The following SCN11A variants were observed in gnomAD, a reference collection of about 807,000 sequenced individuals.
The protein encoded by SCN11A is sodium voltage-gated channel alpha subunit 11, also known as sodium channel protein type 11 subunit alpha.
SCN11A carries 122 observed loss-of-function variants against 162.2 expected under a neutral mutation model. The observed-to-expected ratio is 0.75, with a 90% CI of 0.65 to 0.87. The LOEUF is 0.87. Among genes scored for constraint, SCN11A ranks in the 40% least tolerant of loss-of-function variants. The pLI, the probability that SCN11A is intolerant of heterozygous loss-of-function variation, is 0.00. For missense variants in SCN11A, 2,015 were observed against 2,181.6 expected (o/e 0.92, Z 1.52); for synonymous variants, 758 against 751.5 (o/e 1.01, Z -0.14).
At position 38,921,260 on chromosome 3, in the gene SCN11A, G is replaced by A. The variant is rs746902134; in HGVS notation, c.713-5C>T. 2.5e-6 allele frequency: 4 copies of A among 1,613,356 alleles called. No individual in the cohort carries two copies. The highest frequency in any genetic ancestry group is 2.2e-5 in the East Asian group (1 of 44,874). On this transcript the variant is annotated splice_polypyrimidine_tract_variant and splice_region_variant and intron_variant, in intron 9 of 29. Coordinates refer to ENST00000302328, the MANE Select transcript of SCN11A (RefSeq NM_001349253.2). ...CCCCCACGATGACCTTCAGACCTGA[G>A]AAAGAGGACAGGCTTGGGGAGAAGC...
chr3:38,955,274 G>A (rs2066667930), intron 3 of SCN11A, among the ~76,000 whole-genome samples: 1 of 152,166 alleles, frequency 6.6e-6, no homozygotes, highest in Non-Finnish European at 1.5e-5. Context: ...GCCACAGAAT[G>A]AGACTCTGTC....
At chr3:39,039,393 G>A (rs1024937887) in intron 1 of SCN11A, among the ~76,000 whole-genome samples, 6 of 152,150 alleles carry the variant, frequency 3.9e-5, no homozygotes, top group African/African-American at 1.4e-4. Flanking sequence ...CTCTCCTGCA[G>A]ACTCCCTGGG....
At chr3:39,023,558 C>A (rs1243169617) in intron 2 of SCN11A, among the ~76,000 whole-genome samples, 1 of 151,762 alleles carries the variant, frequency 6.6e-6, no homozygotes, top group Non-Finnish European at 1.5e-5. Flanking sequence ...ATAATATATG[C>A]TTATGGCAAA....
intron 6 of SCN11A, 129 bp from the exon 7 acceptor site, chr3:38,945,641 G>C: frequency 7.1e-6 from 4 of 559,790 alleles, no homozygotes; most frequent in Non-Finnish European, 9.3e-6. Flanking sequence ...GTGAATGTTG[G>C]ATGAGAACAA....
intron 2 of SCN11A, among the ~76,000 whole-genome samples, chr3:39,029,337 A>T (rs1175940081): frequency 6.6e-6 from 1 of 152,226 alleles, no homozygotes; most frequent in Non-Finnish European, 1.5e-5. Context: ...ATGAAGTTAA[A>T]TATATTTTTA....
At chr3:39,028,675 C>T (rs1468006217) in intron 2 of SCN11A, among the ~76,000 whole-genome samples, 1 of 152,138 alleles carries the variant, frequency 6.6e-6, no homozygotes, top group Non-Finnish European at 1.5e-5. Context: ...CTTTGTACTG[C>T]ATCATAACTT....
chr3:38,954,634 AC>A (rs1028494789), intron 3 of SCN11A, among the ~76,000 whole-genome samples: 71 of 146,566 alleles, frequency 4.8e-4, no homozygotes, highest in African/African-American at 1.7e-3. Flanking sequence ...TGATAAAAAA[AC>A]AAACAAACAA....
chr3:38,950,455 G>C, intron 4 of SCN11A, 86 bp from the exon 5 acceptor site: 1 of 1,385,308 alleles, frequency 7.2e-7, no homozygotes, highest in African/African-American at 1.4e-5. Context: ...CAGTCTTAAA[G>C]GATGGTGTCA....
At chr3:38,942,249 C>T (rs1049114695) in intron 7 of SCN11A, among the ~76,000 whole-genome samples, 7 of 152,070 alleles carry the variant, frequency 4.6e-5, no homozygotes, top group Admixed American at 1.3e-4. Context: ...GACAAATCCA[C>T]AATCATAGAT....
intron 2 of SCN11A, among the ~76,000 whole-genome samples, chr3:39,004,148 T>G (rs745592072): frequency 6.6e-6 from 1 of 152,166 alleles, no homozygotes; most frequent in Non-Finnish European, 1.5e-5. Context: ...GTTTTTATAG[T>G]TTTGGGTTTT....
At chr3:38,924,609 G>T (rs2066107355) in intron 9 of SCN11A, among the ~76,000 whole-genome samples, 1 of 152,110 alleles carries the variant, frequency 6.6e-6, no homozygotes, top group Non-Finnish European at 1.5e-5. Context: ...CTGACCTCAG[G>T]TGATCCACCT....
At chr3:38,849,011 G>A (rs904026206) in intron 29 of SCN11A, among the ~76,000 whole-genome samples, 2 of 152,182 alleles carry the variant, frequency 1.3e-5, no homozygotes, top group African/African-American at 4.8e-5. Flanking sequence ...CTACCGCTGA[G>A]TATTATTTGG....
At chr3:38,924,050 A>T (rs1419102853) in intron 9 of SCN11A, among the ~76,000 whole-genome samples, 1 of 152,140 alleles carries the variant, frequency 6.6e-6, no homozygotes, top group Non-Finnish European at 1.5e-5. Context: ...CATGTGGATG[A>T]ATGCAGTGGG....
intron 2 of SCN11A, among the ~76,000 whole-genome samples, chr3:39,027,791 G>A (rs1011364353): frequency 6.6e-6 from 1 of 152,138 alleles, no homozygotes; most frequent in Non-Finnish European, 1.5e-5. Context: ...ATTAAAGCTG[G>A]CATTTTACCT....
At chr3:38,928,128 T>C (rs13096869) in intron 7 of SCN11A, among the ~76,000 whole-genome samples, 14,809 of 152,296 alleles carry the variant, frequency 0.097, 874 homozygotes, top group Middle Eastern at 0.16. Flanking sequence ...TTAGAATCTT[T>C]ACTTACACCA....
At chr3:38,947,189 G>T (rs2125574448) in intron 5 of SCN11A, among the ~76,000 whole-genome samples, 1 of 152,302 alleles carries the variant, frequency 6.6e-6, no homozygotes, top group South Asian at 2.1e-4. Context: ...GACTAGAAGA[G>T]AACTTGAAGA....
chr3:39,034,244 A>T (rs2031843328), intron 1 of SCN11A, among the ~76,000 whole-genome samples: 1 of 152,170 alleles, frequency 6.6e-6, no homozygotes, highest in Non-Finnish European at 1.5e-5. Context: ...CATTAAAAAG[A>T]TCGTTCATTA....
At chr3:38,957,431 T>C (rs377695960) in intron 3 of SCN11A, among the ~76,000 whole-genome samples, 4 of 152,180 alleles carry the variant, frequency 2.6e-5, no homozygotes, top group African/African-American at 7.2e-5. Flanking sequence ...AGACAAGATA[T>C]CAAGCACGAC....
intron 7 of SCN11A, among the ~76,000 whole-genome samples, chr3:38,938,979 C>G (rs1464576151): frequency 6.6e-6 from 1 of 151,930 alleles, no homozygotes; most frequent in Non-Finnish European, 1.5e-5. Flanking sequence ...GAGTTCAAGA[C>G]CTGGGCAACA....
Sources: allele counts gnomAD v4.1 joint callset (sites outside exome capture counted in the v4.1 genomes callset), GRCh38; gene constraint gnomAD v4.1.1; transcripts MANE v1.5; gene names NCBI Gene and HGNC (gene_info 2026-07-23, HGNC 2026-07-21).